The following ITGA7 variants were observed in gnomAD, a reference collection of about 807,000 sequenced individuals.
The protein encoded by ITGA7 is integrin subunit alpha 7.
ITGA7 carries 84 observed loss-of-function variants against 131.6 expected under a neutral mutation model. The observed-to-expected ratio is 0.64, with a 90% confidence interval of 0.54 to 0.77. The LOEUF is 0.77. ITGA7 is among the 30% of genes least tolerant of loss of function. The pLI is 0.00. For synonymous variants in ITGA7, 548 were observed against 600.7 expected, an observed-to-expected ratio of 0.91 and a Z score of 1.28; for missense variants, 1,399 against 1,482.9, an observed-to-expected ratio of 0.94 and a Z score of 0.93.
At chr12:55,697,399 G>A (rs1158137040) in intron 10 of ITGA7, 52 bp downstream of exon 10, 1 of 1,590,056 alleles carries the variant, frequency 6.3e-7, no homozygotes, top group Admixed American at 1.7e-5. Context: ...AAGGATCAAA[G>A]GGAGGGCAGG....
At chr12:55,704,182 C>T (rs955863779) in intron 1 of ITGA7, among the ~76,000 whole-genome samples, 3 of 152,222 alleles carry the variant, frequency 2.0e-5, no homozygotes, top group African/African-American at 4.8e-5. Context: ...ACCTCAACGC[C>T]TCTCTCCCAC....
chr12:55,700,377 C>G, intron 4 of ITGA7: 1 of 1,608,514 alleles, frequency 6.2e-7, no homozygotes, highest in East Asian at 2.2e-5. Context: ...GTGCACAGAG[C>G]TCCACCCTGG....
At chr12:55,699,066 G>A in intron 5 of ITGA7, 149 bp from the exon 6 acceptor site, 1 of 723,960 alleles carries the variant, frequency 1.4e-6, no homozygotes, top group Non-Finnish European at 2.3e-6. Flanking sequence ...TAGGTTAAGA[G>A]CCAAAAGATA....
rs17117901 is a variant in ITGA7, at chr12:55,704,527, G to A, written c.207-1349C>T. On this transcript the variant is annotated intron_variant, in intron 1 of 24. Coordinates refer to ENST00000257879, the MANE Select transcript of ITGA7 (RefSeq NM_002206.3). ...ATATTTATTCAGCACCTACTATGAC[G>A]TCAGATCCGAGGCTAGACACCAGGG... Among the ~76,000 whole-genome samples the A allele has an allele frequency of 5.6e-3, 856 of 152,290 alleles. 18 individuals carry two copies. In the East Asian group the frequency reaches 0.081, roughly 14 times the overall value.
At chr12:55,708,818 G>A (rs543130410), upstream of ITGA7, among the ~76,000 whole-genome samples, 2 of 152,326 alleles carry the variant, frequency 1.3e-5, no homozygotes, top group South Asian at 4.1e-4. Context: ...CAGAGTCCTG[G>A]ACTGGCTCAG....
chr12:55,714,292 C>G (rs1274485063), upstream of ITGA7, among the ~76,000 whole-genome samples: 1 of 151,900 alleles, frequency 6.6e-6, no homozygotes, highest in African/African-American at 2.4e-5. Context: ...GCGGGCGGAT[C>G]ACGAGGTCAG....
In ITGA7 at chr12:55,697,933, C is replaced by G. The variant is rs781434033; in HGVS notation, c.1281+5G>C. On this transcript the variant is annotated splice_donor_5th_base_variant and intron_variant, in intron 8 of 24. Coordinates refer to ENST00000257879, the MANE Select transcript of ITGA7 (RefSeq NM_002206.3). ...CCATTCCCTCATCCCAGCGACTCCC[C>G]TCACCTGTGAAGGTTTGGCGACAAC... 1.5e-5 allele frequency: 25 copies of G among 1,614,038 alleles called. No individual in the cohort carries two copies. Among genetic ancestry groups the G allele is most frequent in the Non-Finnish European group, 1.9e-5 (23 of 1,180,032 alleles).
rs374847926 is a variant in ITGA7 at position 55,700,885 on chromosome 12, G to A, written c.670+14C>T. The A allele has an allele frequency of 2.3e-5, 37 of 1,614,044 alleles. No individual in the cohort carries two copies. Among genetic ancestry groups the A allele is most frequent in the Middle Eastern group, 1.6e-4 (1 of 6,084 alleles). Reference sequence around the variant, plus strand: ...GTTTTGGTCCCCTTCTCCCCTTCCCGAGGAGTGACTCACCCTTCCAATTAT... The same window carrying A: ...GTTTTGGTCCCCTTCTCCCCTTCCCAAGGAGTGACTCACCCTTCCAATTAT... On this transcript the variant is annotated intron_variant, in intron 4 of 24. Transcript: ENST00000257879.
chr12:55,714,845 A>G (rs533474352), upstream of ITGA7, among the ~76,000 whole-genome samples: 108 of 147,134 alleles, frequency 7.3e-4, 1 homozygote, highest in African/African-American at 2.6e-3. Flanking sequence ...CTATTTAATT[A>G]GTCTGGAATC....
upstream of ITGA7, chr12:55,715,801 CAATT>C: frequency 6.9e-6 from 3 of 432,456 alleles, no homozygotes; most frequent in South Asian, 1.1e-4. Flanking sequence ...TCTGCTCCCT[CAATT>C]AAACGGTGAT....
chr12:55,700,103 G>A, intron 4 of ITGA7, 114 bp from the exon 5 acceptor site: 2 of 1,443,104 alleles, frequency 1.4e-6, no homozygotes, highest in East Asian at 4.6e-5. Context: ...GAGGTGGAGA[G>A]AGAAAAAGAG....
intron 21 of ITGA7, among the ~76,000 whole-genome samples, chr12:55,690,790 C>T (rs1353014194): frequency 3.3e-5 from 5 of 151,450 alleles, no homozygotes; most frequent in African/African-American, 1.2e-4. Context: ...TACTATGCAG[C>T]CATAAAAAAT....
chr12:55,714,860 CT>C (rs1307236467), upstream of ITGA7, among the ~76,000 whole-genome samples: 13,283 of 102,834 alleles, frequency 0.13, 1,021 homozygotes, highest in African/African-American at 0.36. Context: ...GGAATCAAGG[CT>C]TTTTTTTTTT....
At position 55,693,129 on chromosome 12, in the gene ITGA7, C is replaced by T. The variant is rs547187404; in HGVS notation, c.2712+12G>A. 14 of 1,613,860 alleles carry T rather than the reference C, an allele frequency of 8.7e-6. No homozygotes were observed. In the South Asian group the frequency reaches 1.1e-4, roughly 13 times the overall value. ...TCCCCACATCTAACCCCCACCCCCA[C>T]CTAAGCCTCACCAGGTGGAGGATGT... On this transcript the variant is annotated intron_variant, in intron 20 of 24. Coordinates refer to ENST00000257879, the MANE Select transcript of ITGA7 (RefSeq NM_002206.3).
chr12:55,690,211 C>T (rs376748270), intron 21 of ITGA7, among the ~76,000 whole-genome samples: 29 of 152,240 alleles, frequency 1.9e-4, no homozygotes, highest in East Asian at 1.2e-3. Context: ...AAAATTTTCG[C>T]AACCTACTCA....
At chr12:55,700,830 T>A in intron 4 of ITGA7, 69 bp downstream of exon 4, 1 of 1,603,036 alleles carries the variant, frequency 6.2e-7, no homozygotes, top group Non-Finnish European at 8.5e-7. Context: ...CCATGTGCCA[T>A]CCCCAACCCT....
rs752855306 is a variant in ITGA7 at position 55,693,186 on chromosome 12, A to T, written c.2667T>A (p.Pro889=). The stretch of plus-strand genomic sequence containing the variant: ...TGGGAGAGCAAAGCCCTTTCTGCCC[A>T]GGCCCCTGCCCGCCCTCCAGCTCAA... ...MQVELEGGQG[P]GQKGLCSPRP... is the part of the protein sequence containing the mutation. The change falls in exon 20 of 25, where the codon CCT becomes CCA. Residue 889 remains proline, a synonymous_variant. Transcript: ENST00000257879. 9 of 1,613,464 alleles carry T rather than the reference A, an allele frequency of 5.6e-6. No individual in the cohort carries two copies. The highest frequency in any genetic ancestry group is 7.6e-6 in the Non-Finnish European group (9 of 1,179,930).
intron 2 of ITGA7, 49 bp downstream of exon 2, chr12:55,703,002 C>G (rs755734099): frequency 1.5e-5 from 25 of 1,613,620 alleles, no homozygotes; most frequent in Non-Finnish European, 2.1e-5. Context: ...CCCAAGTCCT[C>G]TCCTCCCCGC....
chr12:55,695,221 TC>T, intron 14 of ITGA7: 1 of 599,794 alleles, frequency 1.7e-6, no homozygotes, highest in South Asian at 2.0e-5. Flanking sequence ...CAGTTCTCCA[TC>T]TATAAAATGA....
Sources: allele counts gnomAD v4.1 joint callset (sites outside exome capture counted in the v4.1 genomes callset), GRCh38; gene constraint gnomAD v4.1.1; transcripts MANE v1.5; gene names NCBI Gene and HGNC (gene_info 2026-07-23, HGNC 2026-07-21).